Variants in AHI1 observed in about 807,000 individuals in gnomAD.
AHI1 encodes the protein Abelson helper integration site 1, also known as jouberin.
Under a neutral mutation model 149.3 loss-of-function variants are expected in AHI1, and 123 were observed. The ratio of observed to expected loss-of-function variants is 0.82; its 90% confidence interval spans 0.71 to 0.96. AHI1 has a LOEUF of 0.96. AHI1 is among the 40% of genes least tolerant of loss of function. The probability of loss-of-function intolerance (pLI) is 0.00; values close to 1 mark genes in which losing one functional copy is unlikely to be tolerated. For missense variants in AHI1, 1,439 were observed against 1,422.7 expected (o/e 1.01, Z -0.18); for synonymous variants, 475 against 459.8 (o/e 1.03, Z -0.42).
At chr6:135,400,399 T>C (rs1376177878) in intron 22 of AHI1, among the ~76,000 whole-genome samples, 1 of 151,932 alleles carries the variant, frequency 6.6e-6, no homozygotes, top group African/African-American at 2.4e-5. Context: ...CCACTAAACA[T>C]AACTCAATAA....
chr6:135,457,683 T>A lies in AHI1; in HGVS notation c.962A>T (p.Asp321Val). ...TCGGCTTGTTATTTCATGAACACCA[T>A]CACCATCAACATCTTCATTATTATC... The part of the protein sequence containing the change: ...VADNNEDVDG[D>V]GVHEITSRDS... The change falls in exon 9 of 29, where the codon GAT (aspartate) becomes GTT (valine). Residue 321 changes from aspartate to valine, a missense_variant. By Grantham distance (152) the Asp-to-Val change is radical (BLOSUM62 -3). Coordinates refer to ENST00000265602, the MANE Select transcript of AHI1 (RefSeq NM_001134831.2). 1 of 1,613,838 alleles carries A rather than the reference T, an allele frequency of 6.2e-7. No individual in the cohort carries two copies. Among genetic ancestry groups the A allele is most frequent in the Non-Finnish European group, 8.5e-7 (1 of 1,179,814 alleles).
chr6:135,363,500 TC>T (rs1794259735), intron 23 of AHI1, among the ~76,000 whole-genome samples: 1 of 152,042 alleles, frequency 6.6e-6, no homozygotes, highest in Non-Finnish European at 1.5e-5. Context: ...TCCCCACCTT[TC>T]CCCCCTTTCT....
At chr6:135,322,134 A>AT (rs1246332699) in intron 25 of AHI1, among the ~76,000 whole-genome samples, 1 of 152,210 alleles carries the variant, frequency 6.6e-6, no homozygotes, top group Non-Finnish European at 1.5e-5. Context: ...CAGAACCAGA[A>AT]TTTTTGTGCT....
chr6:135,379,416 T>G (rs1410437517), intron 23 of AHI1, among the ~76,000 whole-genome samples: 1 of 152,198 alleles, frequency 6.6e-6, no homozygotes, highest in Non-Finnish European at 1.5e-5. Context: ...TTAACTGGCC[T>G]TCCTAGCTGT....
At chr6:135,302,091 A>G in intron 26 of AHI1, 2 of 975,792 alleles carry the variant, frequency 2.0e-6, no homozygotes, top group African/African-American at 3.5e-5. Flanking sequence ...TCCTGGGCTC[A>G]AGCAATCCTC....
chr6:135,306,601 A>T (rs1784561253), intron 26 of AHI1, among the ~76,000 whole-genome samples: 2 of 152,206 alleles, frequency 1.3e-5, no homozygotes, highest in Admixed American at 1.3e-4. Context: ...TCATGAAGAG[A>T]CAGTGTCAAT....
At position 135,467,597 on chromosome 6, in the gene AHI1, T is replaced by G; in HGVS notation, c.173A>C (p.Glu58Ala). ...AGTACTTACATCATCACTTGTAGTT[T>G]CTTTCATATAGTGAAGATTGCTTCT... ...TIRSNLHYMK[E>A]TTSDDPDTIR... is the part of the protein sequence containing the mutation. Residue 58 changes from glutamate to alanine, a missense_variant, in exon 6 of 29, where the codon GAA (glutamate) becomes GCA (alanine). By Grantham distance (107) the Glu-to-Ala change is moderately radical. Transcript: ENST00000265602. 6.2e-7 allele frequency: 1 copy of G among 1,609,890 alleles called. No individual in the cohort carries two copies. Among genetic ancestry groups the G allele is most frequent in the Non-Finnish European group, 8.5e-7 (1 of 1,176,918 alleles).
In AHI1 at chr6:135,285,429, C is replaced by T. The variant is rs1781565852; in HGVS notation, c.*216G>A. On this transcript the variant is annotated 3_prime_UTR_variant, in exon 29 of 29. Coordinates refer to ENST00000265602, the MANE Select transcript of AHI1 (RefSeq NM_001134831.2). ...TACCAATACTTTGACCAACAATAGT[C>T]ACAATGGTTTATAACAACTGAACTC... 5 of 600,962 alleles carry T rather than the reference C, an allele frequency of 8.3e-6. No individual in the cohort carries two copies. The highest frequency in any genetic ancestry group is 1.5e-5 in the Non-Finnish European group (5 of 338,106). The allele number at this position is 600,962 out of a possible 1,614,324, so 37.2% of individuals were successfully genotyped here.
intron 27 of AHI1, 35 bp from the exon 28 acceptor site, chr6:135,290,560 T>G: frequency 6.2e-7 from 1 of 1,611,354 alleles, no homozygotes; most frequent in Non-Finnish European, 8.5e-7. Flanking sequence ...AAGGAGCCAG[T>G]AAAAGAGAGC....
At chr6:135,459,557 T>C (rs776632200) in intron 8 of AHI1, among the ~76,000 whole-genome samples, 3 of 151,904 alleles carry the variant, frequency 2.0e-5, no homozygotes, top group Non-Finnish European at 4.4e-5. Context: ...AAGCTAAAGG[T>C]TGGTTTTTGA....
chr6:135,442,744 T>C (rs1249007014), intron 13 of AHI1, 30 bp from the exon 14 acceptor site: 19 of 1,566,730 alleles, frequency 1.2e-5, no homozygotes, highest in African/African-American at 5.4e-5. Flanking sequence ...AAAATATAAA[T>C]TAGCAAACAT....
intron 7 of AHI1, 126 bp from the exon 8 acceptor site, chr6:135,463,432 G>T: frequency 2.7e-6 from 2 of 745,060 alleles, no homozygotes; most frequent in Non-Finnish European, 2.0e-6. Context: ...ATTGTCTCTT[G>T]AGAGATGCAT....
chr6:135,430,901 G>T (rs183783850), intron 17 of AHI1, among the ~76,000 whole-genome samples: 1 of 151,992 alleles, frequency 6.6e-6, no homozygotes, highest in Admixed American at 6.5e-5. Context: ...ATTACTTATC[G>T]ATGGTAATAT....
intron 20 of AHI1, among the ~76,000 whole-genome samples, chr6:135,419,417 G>A (rs1333364156): frequency 6.6e-6 from 1 of 152,012 alleles, no homozygotes; most frequent in Non-Finnish European, 1.5e-5. Context: ...CCTAGTTCAT[G>A]AACTCTAATA....
intron 26 of AHI1, chr6:135,301,669 C>G: frequency 1.0e-6 from 1 of 985,400 alleles, no homozygotes; most frequent in Non-Finnish European, 1.2e-6. Context: ...AATTAAAGAG[C>G]AAGGAGACTT....
intron 24 of AHI1, among the ~76,000 whole-genome samples, chr6:135,330,306 C>G (rs1788359290): frequency 1.3e-5 from 2 of 152,150 alleles, no homozygotes; most frequent in African/African-American, 4.8e-5. Flanking sequence ...TTGCCACAGT[C>G]ACCACAACCT....
At position 135,459,917 on chromosome 6, in the gene AHI1, C is replaced by T. The variant is rs539254591; in HGVS notation, c.932-2204G>A. ...CAATGTAAGAATAAACTCTGTGGGC[C>T]GCGATAGCTCACATCTGTAATCCCA... On this transcript the variant is annotated intron_variant, in intron 8 of 28. Coordinates refer to ENST00000265602, the MANE Select transcript of AHI1 (RefSeq NM_001134831.2). 9.2e-5 allele frequency among the ~76,000 whole-genome samples: 14 copies of T among 152,096 alleles called. No homozygotes were observed. The South Asian group carries it at 1.0e-3, about 11-fold the overall frequency.
chr6:135,483,912 C>G (rs1403967029), intron 5 of AHI1, among the ~76,000 whole-genome samples: 4 of 152,180 alleles, frequency 2.6e-5, no homozygotes, highest in Admixed American at 1.3e-4. Flanking sequence ...CTGGAAAAAC[C>G]TGAACCACTT....
At chr6:135,361,352 C>G (rs1307814766) in intron 23 of AHI1, among the ~76,000 whole-genome samples, 1 of 152,124 alleles carries the variant, frequency 6.6e-6, no homozygotes, top group African/African-American at 2.4e-5. Context: ...CTTGCAGATC[C>G]AGGCTTTCAC....
Sources: allele counts gnomAD v4.1 joint callset (sites outside exome capture counted in the v4.1 genomes callset), GRCh38; gene constraint gnomAD v4.1.1; transcripts MANE v1.5; gene names NCBI Gene and HGNC (gene_info 2026-07-23, HGNC 2026-07-21).